ANKS1B: variants seen among roughly 807,000 people sequenced by gnomAD.
ANKS1B encodes the protein ankyrin repeat and sterile alpha motif domain-containing protein 1B.
A neutral mutation model predicts 148.3 loss-of-function variants in ANKS1B; 36 were observed. That is an observed-to-expected ratio of 0.24 (90% CI 0.19 to 0.32). ANKS1B has a LOEUF of 0.32. ANKS1B is among the 10% of genes least tolerant of loss of function. ANKS1B has a pLI of 1.00. For synonymous variants in ANKS1B, 542 were observed against 560.8 expected (o/e 0.97, Z 0.47); for missense variants, 1,157 against 1,542.6 (o/e 0.75, Z 4.19).
chr12:98,972,116 C>T (rs1303176347), intron 17 of ANKS1B, among the ~76,000 whole-genome samples: 4 of 152,136 alleles, frequency 2.6e-5, no homozygotes, highest in Non-Finnish European at 4.4e-5. Flanking sequence ...TGCAGTGAGC[C>T]AAGATTGTGC....
At chr12:99,263,001 T>C (rs1350736362) in intron 12 of ANKS1B, among the ~76,000 whole-genome samples, 1 of 152,090 alleles carries the variant, frequency 6.6e-6, no homozygotes, top group Non-Finnish European at 1.5e-5. Context: ...TACTGAGTGC[T>C]TATAGGTGTT....
At chr12:99,541,067 A>C (rs149694145) in intron 9 of ANKS1B, among the ~76,000 whole-genome samples, 1 of 152,290 alleles carries the variant, frequency 6.6e-6, no homozygotes, top group East Asian at 1.9e-4. Flanking sequence ...AAACTGACTT[A>C]AGAAAAAATA....
chr12:99,292,326 C>CTAAAAATAAAAA (rs60100516), intron 12 of ANKS1B, among the ~76,000 whole-genome samples: 1,753 of 139,548 alleles, frequency 0.013, 58 homozygotes, highest in African/African-American at 0.047. Flanking sequence ...CCCATCTCTA[C>CTAAAAATAAAAA]TAAAAATAAA....
At chr12:99,223,933 T>A (rs2085493096) in intron 14 of ANKS1B, among the ~76,000 whole-genome samples, 1 of 152,248 alleles carries the variant, frequency 6.6e-6, no homozygotes, top group South Asian at 2.1e-4. Flanking sequence ...GTTGTCATAC[T>A]TCATTGTCCT....
intron 12 of ANKS1B, among the ~76,000 whole-genome samples, chr12:99,359,820 C>A (rs182018573): frequency 6.6e-6 from 1 of 152,028 alleles, no homozygotes. Flanking sequence ...GTGTAAACCA[C>A]GTTTAATTAT....
intron 8 of ANKS1B, among the ~76,000 whole-genome samples, chr12:99,657,060 C>T (rs2098452970): frequency 6.8e-6 from 1 of 147,926 alleles, no homozygotes; most frequent in African/African-American, 2.5e-5. Context: ...CAGTTGCTGT[C>T]TATAAAATAC....
intron 17 of ANKS1B, among the ~76,000 whole-genome samples, chr12:98,974,683 T>A (rs2099889522): frequency 6.6e-6 from 1 of 152,140 alleles, no homozygotes; most frequent in Admixed American, 6.5e-5. Flanking sequence ...GAGGGCTGCA[T>A]GAGATGAGTC....
intron 9 of ANKS1B, among the ~76,000 whole-genome samples, chr12:99,549,015 T>C (rs951914461): frequency 1.3e-5 from 2 of 152,150 alleles, no homozygotes; most frequent in Non-Finnish European, 2.9e-5. Context: ...GGCATACTAG[T>C]GGGGAACTGG....
intron 16 of ANKS1B, among the ~76,000 whole-genome samples, chr12:99,055,695 C>A (rs2099969205): frequency 1.3e-5 from 2 of 148,326 alleles, no homozygotes; most frequent in South Asian, 4.4e-4. Context: ...GAGAGAAGTG[C>A]CAGTCCCTTA....
intron 9 of ANKS1B, among the ~76,000 whole-genome samples, chr12:99,581,486 G>A (rs189210423): frequency 1.3e-5 from 2 of 152,244 alleles, no homozygotes; most frequent in Non-Finnish European, 2.9e-5. Flanking sequence ...TGTAACTTTG[G>A]CTTGGGTACA....
chr12:98,860,924 C>T (rs2099596213), intron 17 of ANKS1B, among the ~76,000 whole-genome samples: 1 of 152,012 alleles, frequency 6.6e-6, no homozygotes, highest in African/African-American at 2.4e-5. Flanking sequence ...TCTCTAATGG[C>T]CTGAAGCAAA....
At chr12:99,150,144 A>C (rs2074438412) in intron 15 of ANKS1B, among the ~76,000 whole-genome samples, 1 of 152,164 alleles carries the variant, frequency 6.6e-6, no homozygotes. Flanking sequence ...TGGCAAAATA[A>C]GGCTTCCAGT....
At chr12:99,112,510 A>G (rs2060502839) in intron 15 of ANKS1B, among the ~76,000 whole-genome samples, 1 of 150,864 alleles carries the variant, frequency 6.6e-6, no homozygotes, top group African/African-American at 2.4e-5. Context: ...AGTGACATTT[A>G]TTTTTCCATT....
At chr12:98,907,897 A>C (rs1200262393) in intron 17 of ANKS1B, among the ~76,000 whole-genome samples, 2 of 152,134 alleles carry the variant, frequency 1.3e-5, no homozygotes, top group African/African-American at 2.4e-5. Flanking sequence ...CTGCCATGTA[A>C]GATGTGCCTT....
intron 17 of ANKS1B, among the ~76,000 whole-genome samples, chr12:98,906,284 T>C (rs1391859885): frequency 6.6e-6 from 1 of 151,970 alleles, no homozygotes; most frequent in Non-Finnish European, 1.5e-5. Context: ...TATATTGAAA[T>C]GTGTGGAATC....
At chr12:99,116,054 C>T (rs971430436) in intron 15 of ANKS1B, among the ~76,000 whole-genome samples, 4 of 151,820 alleles carry the variant, frequency 2.6e-5, no homozygotes, top group Non-Finnish European at 4.4e-5. Flanking sequence ...CCTTCAATTT[C>T]CTCATCATTA....
rs1464509545 is a variant in ANKS1B, at chr12:98,801,821, T to C, written c.3142-696A>G. 6.6e-6 allele frequency among the ~76,000 whole-genome samples: 1 copy of C among 152,212 alleles called. No individual in the cohort carries two copies. Among genetic ancestry groups the C allele is most frequent in the Admixed American group, 6.5e-5 (1 of 15,272 alleles). The stretch of plus-strand genomic sequence containing the variant: ...TACTTTGAGGATTCTGATTCACAAA[T>C]ACAAGCACATTCCCAAATGATGGTA... On this transcript the variant is annotated intron_variant, in intron 20 of 26. Transcript: ENST00000683438. The surrounding 1 kb of genome is among the most constrained non-coding windows in gnomAD (Gnocchi z 5.2).
chr12:99,758,844 A>G (rs1370942568), intron 8 of ANKS1B, among the ~76,000 whole-genome samples: 2 of 151,928 alleles, frequency 1.3e-5, no homozygotes, highest in African/African-American at 4.8e-5. Flanking sequence ...AAAACACTTT[A>G]ATGTTTGAGA....
At chr12:99,389,296 C>CA (rs2093978097) in intron 12 of ANKS1B, among the ~76,000 whole-genome samples, 1 of 152,212 alleles carries the variant, frequency 6.6e-6, no homozygotes, top group Admixed American at 6.5e-5. Context: ...ATGAGGCACC[C>CA]ACCCAACATA....
Sources: gnomAD v4.1 joint callset for allele counts (sites outside exome capture counted in the v4.1 genomes callset) on GRCh38, gnomAD v4.1.1 for gene constraint, Gnocchi (gnomAD v3.1) non-coding constraint, MANE v1.5 for transcripts, NCBI Gene and HGNC (gene_info 2026-07-23, HGNC 2026-07-21) for gene names.